The following CFAP161 variants were observed in gnomAD, a reference collection of about 807,000 sequenced individuals.
CFAP161 encodes the protein cilia- and flagella-associated protein 161.
CFAP161 carries 25 observed loss-of-function variants against 29.0 expected under a neutral mutation model. That is an observed-to-expected ratio of 0.86 (90% CI 0.63 to 1.20). CFAP161 has a LOEUF of 1.20. CFAP161 is among the 50% of genes most tolerant of loss of function. The pLI is 0.00. For synonymous variants in CFAP161, 116 were observed against 137.4 expected (o/e 0.84, Z 1.09); for missense variants, 367 against 371.9 (o/e 0.99, Z 0.11).
intron 2 of CFAP161, among the ~76,000 whole-genome samples, chr15:81,128,351 C>T (rs1194996643): frequency 6.6e-6 from 1 of 152,178 alleles, no homozygotes; most frequent in Non-Finnish European, 1.5e-5. Context: ...GCTGCCTTAT[C>T]AAATAAGTTT....
upstream of CFAP161, among the ~76,000 whole-genome samples, chr15:81,132,920 C>G (rs2141875718): frequency 6.6e-6 from 1 of 152,130 alleles, no homozygotes; most frequent in East Asian, 1.9e-4. Flanking sequence ...TAGTGGTATA[C>G]TATCTGATCT....
intron 1 of CFAP161, among the ~76,000 whole-genome samples, chr15:81,121,727 T>A (rs1477462496): frequency 6.6e-6 from 1 of 152,194 alleles, no homozygotes; most frequent in Non-Finnish European, 1.5e-5. Context: ...AACTTTTAAG[T>A]TCAGGGGTAC....
intron 4 of CFAP161, among the ~76,000 whole-genome samples, chr15:81,140,417 T>C (rs545663307): frequency 1.1e-4 from 17 of 152,338 alleles, no homozygotes; most frequent in African/African-American, 4.1e-4. Flanking sequence ...TGGTCAGTTA[T>C]ATCTATTATC....
At chr15:81,115,929 A>G (rs974458215) in intron 1 of CFAP161, among the ~76,000 whole-genome samples, 1 of 150,014 alleles carries the variant, frequency 6.7e-6, no homozygotes, top group Non-Finnish European at 1.5e-5. Context: ...CTCAAGCAAT[A>G]CTCCCACCTC....
rs1391184689 is a variant in CFAP161 at position 81,146,833 on chromosome 15, T to C, written c.637-1025T>C. 1.0e-3 allele frequency among the ~76,000 whole-genome samples: 11 copies of C among 11,048 alleles called. No individual in the cohort carries two copies. The East Asian group carries it at 0.046, about 46-fold the overall frequency. The allele number at this position is 11,048 out of a possible 152,430, so 7.2% of individuals were successfully genotyped here. ...TGCTCTTAAATAGGATAGCTACAAA[T>C]ATATATATATATATATATATATATA... On this transcript the variant is annotated intron_variant, in intron 5 of 6. Coordinates refer to ENST00000286732, the MANE Select transcript of CFAP161 (RefSeq NM_173528.4).
chr15:81,132,272 G>C (rs535773882), upstream of CFAP161, among the ~76,000 whole-genome samples: 7 of 152,268 alleles, frequency 4.6e-5, no homozygotes, highest in Admixed American at 3.9e-4. Context: ...GTGAGACTCT[G>C]TCTTGGAAGA....
chr15:81,135,360 G>A lies in CFAP161; in HGVS notation c.159+1G>A. The A allele has an allele frequency of 6.4e-7, 1 of 1,574,786 alleles. No homozygotes were observed. The highest frequency in any genetic ancestry group is 8.6e-7 in the Non-Finnish European group (1 of 1,167,102). On this transcript the variant is annotated splice_donor_variant, in intron 2 of 6. Coordinates refer to ENST00000286732, the MANE Select transcript of CFAP161 (RefSeq NM_173528.4). LOFTEE classifies it high-confidence loss of function. ...ACTAAAACAGAATCTCTTGAGACCGGTAACTTTTTTTTTTTTTATTACACT... is the reference window on the plus strand; with the variant it reads ...ACTAAAACAGAATCTCTTGAGACCGATAACTTTTTTTTTTTTTATTACACT...
At chr15:81,102,857 T>A (rs1158136840) in intron 1 of CFAP161, among the ~76,000 whole-genome samples, 2 of 151,982 alleles carry the variant, frequency 1.3e-5, no homozygotes, top group Non-Finnish European at 2.9e-5. Context: ...GATCATTACG[T>A]TGGGTATTAA....
intron 5 of CFAP161, among the ~76,000 whole-genome samples, chr15:81,145,001 C>A (rs1595920721): frequency 1.3e-5 from 2 of 152,132 alleles, no homozygotes; most frequent in African/African-American, 4.8e-5. Flanking sequence ...CAGAGTAGGC[C>A]TCCCTATTTC....
At chr15:81,109,499 A>G (rs899699651) in intron 1 of CFAP161, among the ~76,000 whole-genome samples, 2 of 152,164 alleles carry the variant, frequency 1.3e-5, no homozygotes, top group African/African-American at 2.4e-5. Context: ...TTAGAATTGT[A>G]TGTGCTCCAG....
chr15:81,117,067 G>A (rs1431520477), intron 1 of CFAP161, among the ~76,000 whole-genome samples: 3 of 152,106 alleles, frequency 2.0e-5, no homozygotes, highest in Non-Finnish European at 4.4e-5. Flanking sequence ...TAAGGTTCTT[G>A]GACCTGCCAG....
Position 81,143,818 on chromosome 15 carries a change from C to T in CFAP161, c.634C>T (p.Pro212Ser). The change falls in exon 5 of 7, where the codon CCG becomes TCG. Residue 212 changes from proline (P) to serine (S), a missense_variant and splice_region_variant. Physicochemically the swap from Pro to Ser is moderately conservative, Grantham distance 74. Coordinates refer to ENST00000286732, the MANE Select transcript of CFAP161 (RefSeq NM_173528.4). ...CCTGGAATATGAAGGCTTCCCCGTC[C>T]CGGTGAGTGCAGCATCGGGAAGACA... ...LRLEYEGFPV[P>S]ANAKILINHC... The T allele has an allele frequency of 6.2e-7, 1 of 1,613,762 alleles. No individual in the cohort carries two copies.
At chr15:81,114,722 G>T (rs1330754184) in intron 1 of CFAP161, among the ~76,000 whole-genome samples, 1 of 152,172 alleles carries the variant, frequency 6.6e-6, no homozygotes, top group Non-Finnish European at 1.5e-5. Context: ...GGAGTGCAGT[G>T]GCGCGATCTC....
intron 1 of CFAP161, among the ~76,000 whole-genome samples, chr15:81,113,451 C>G (rs1217461036): frequency 1.3e-5 from 2 of 152,176 alleles, no homozygotes; most frequent in Non-Finnish European, 2.9e-5. Flanking sequence ...ACAAGACTGC[C>G]TTCACTTCAG....
At chr15:81,108,265 T>A (rs1269828724) in intron 1 of CFAP161, among the ~76,000 whole-genome samples, 1 of 152,242 alleles carries the variant, frequency 6.6e-6, no homozygotes, top group Admixed American at 6.5e-5. Context: ...AGATTCATTC[T>A]TGTTGCATTC....
chr15:81,103,730 T>G (rs921544348), intron 1 of CFAP161, among the ~76,000 whole-genome samples: 1 of 152,222 alleles, frequency 6.6e-6, no homozygotes, highest in Non-Finnish European at 1.5e-5. Context: ...GAGGGGATTA[T>G]GGGAATCCCA....
rs1894817126 is a variant in CFAP161 at position 81,136,710 on chromosome 15, C to T, written c.354C>T (p.Ala118=). 1 of 1,613,954 alleles carries T rather than the reference C, an allele frequency of 6.2e-7. No individual in the cohort carries two copies. Among genetic ancestry groups the T allele is most frequent in the Non-Finnish European group, 8.5e-7 (1 of 1,180,028 alleles). The change falls in exon 3 of 7, where the codon GCC becomes GCT. Residue 118 remains alanine (A), a synonymous_variant. Coordinates refer to ENST00000286732, the MANE Select transcript of CFAP161 (RefSeq NM_173528.4). ...EVPCGLSAVQ[A]KTPIGRNTFI... Reference sequence around the variant, plus strand: ...CCTGTGGCCTGAGCGCAGTTCAAGCCAAGACCCCAATTGGCAGAAACACTT... The same window carrying T: ...CCTGTGGCCTGAGCGCAGTTCAAGCTAAGACCCCAATTGGCAGAAACACTT...
rs367707361 is a variant in CFAP161 at position 81,136,698 on chromosome 15, C to T, written c.342C>T (p.Ser114=). Residue 114 remains serine (S), a synonymous_variant, in exon 3 of 7, where the codon AGC becomes AGT. Coordinates refer to ENST00000286732, the MANE Select transcript of CFAP161 (RefSeq NM_173528.4). The stretch of plus-strand genomic sequence containing the variant: ...AATTAGAGGTACCCTGTGGCCTGAG[C>T]GCAGTTCAAGCCAAGACCCCAATTG... The part of the protein sequence containing the change: ...KDELEVPCGL[S]AVQAKTPIGR... The T allele has an allele frequency of 1.9e-5, 30 of 1,614,104 alleles. No individual in the cohort carries two copies. Among genetic ancestry groups the T allele is most frequent in the Non-Finnish European group, 2.2e-5 (26 of 1,180,030 alleles).
intron 6 of CFAP161, 52 bp from the exon 7 acceptor site, chr15:81,148,286 A>G (rs1180055054): frequency 1.1e-5 from 17 of 1,486,544 alleles, no homozygotes; most frequent in Non-Finnish European, 1.4e-5. Context: ...ATAACAGCTT[A>G]TTGAGAGTTG....
Sources: gnomAD v4.1 joint callset for allele counts (sites outside exome capture counted in the v4.1 genomes callset) on GRCh38, gnomAD v4.1.1 for gene constraint, MANE v1.5 for transcripts, NCBI Gene and HGNC (gene_info 2026-07-23, HGNC 2026-07-21) for gene names.